Variants in KDM2A observed in about 807,000 individuals in gnomAD.
KDM2A encodes lysine demethylase 2A.
A neutral mutation model predicts 137.3 loss-of-function variants in KDM2A; 3 were observed. That is an observed-to-expected ratio of 0.02 (90% CI 0.01 to 0.06). The LOEUF is 0.06. Among genes scored for constraint, KDM2A ranks in the 10% least tolerant of loss-of-function variants. The probability of loss-of-function intolerance (pLI) is 1.00; values close to 1 mark genes in which losing one functional copy is unlikely to be tolerated. For missense variants in KDM2A, 738 were observed against 1,510.6 expected (o/e 0.49, Z 8.48); for synonymous variants, 512 against 541.5 (o/e 0.95, Z 0.76).
chr11:67,148,907 G>C (rs1434338481), intron 2 of KDM2A: 1 of 152,170 alleles, frequency 6.6e-6, no homozygotes, highest in African/African-American at 2.4e-5. Context: ...AAGAGCTGGG[G>C]TAGGGGCTGG....
intron 2 of KDM2A, among the ~76,000 whole-genome samples, chr11:67,138,452 C>CT (rs1055381699): frequency 6.6e-6 from 1 of 152,168 alleles, no homozygotes; most frequent in Admixed American, 6.6e-5. Context: ...TCAAAGTGTG[C>CT]TCCCCAGACC....
In KDM2A at chr11:67,231,758, C is replaced by T. The variant is rs764607220; in HGVS notation, c.1277C>T (p.Ser426Phe). 1 of 1,614,038 alleles carries T rather than the reference C, an allele frequency of 6.2e-7. No homozygotes were observed. The highest frequency in any genetic ancestry group is 1.1e-5 in the South Asian group (1 of 91,090). Residue 426 changes from serine to phenylalanine, a missense_variant, in exon 12 of 21, where the codon TCT becomes TTT. Physicochemically the swap from Ser to Phe is radical, Grantham distance 155 (BLOSUM62 -2). This residue lies in a region of KDM2A where 113 missense variants were observed against 133.5 expected (regional missense o/e 0.85). Transcript: ENST00000529006. ...AAGAAAACTTTGGCTGGGGACTCAT[C>T]TTCTGACTGTAGCCGGGGCTCCCAC... ...SLKKTLAGDS[S>F]SDCSRGSHNG...
chr11:67,248,426 G>GCAATCCCCCACATTT, intron 16 of KDM2A, 56 bp downstream of exon 16: 2 of 1,215,080 alleles, frequency 1.6e-6, no homozygotes, highest in Non-Finnish European at 2.4e-6. Context: ...CAAATGTGGG[G>GCAATCCCCCACATTT]GATTGCTACA....
intron 2 of KDM2A, among the ~76,000 whole-genome samples, chr11:67,154,828 G>T (rs1288540979): frequency 6.6e-6 from 1 of 152,114 alleles, no homozygotes; most frequent in Non-Finnish European, 1.5e-5. Flanking sequence ...GTTCATCTGT[G>T]TTTTGGCATG....
intron 5 of KDM2A, among the ~76,000 whole-genome samples, chr11:67,187,098 T>C (rs1590760544): frequency 1.3e-5 from 2 of 152,142 alleles, no homozygotes; most frequent in African/African-American, 4.8e-5. Flanking sequence ...AGAATTTAAC[T>C]TCAGGATATT....
chr11:67,145,579 A>G (rs1856224889), intron 2 of KDM2A, among the ~76,000 whole-genome samples: 1 of 151,972 alleles, frequency 6.6e-6, no homozygotes. Flanking sequence ...ATAAAGGCTC[A>G]TAGAGGCAAA....
intron 2 of KDM2A, among the ~76,000 whole-genome samples, chr11:67,146,180 A>G (rs1856242935): frequency 6.6e-6 from 1 of 151,668 alleles, no homozygotes; most frequent in African/African-American, 2.4e-5. Flanking sequence ...TTTTTAGTAG[A>G]GACAGGGTTT....
chr11:67,237,993 C>T (rs1233273234), intron 12 of KDM2A, among the ~76,000 whole-genome samples: 1 of 151,748 alleles, frequency 6.6e-6, no homozygotes, highest in Non-Finnish European at 1.5e-5. Flanking sequence ...GCAATATTTA[C>T]TAACAAGATA....
intron 12 of KDM2A, among the ~76,000 whole-genome samples, chr11:67,238,844 G>A (rs1858943789): frequency 6.6e-6 from 1 of 152,224 alleles, no homozygotes; most frequent in African/African-American, 2.4e-5. Flanking sequence ...TTTCTGCTAA[G>A]TATTTGATTC....
intron 16 of KDM2A, among the ~76,000 whole-genome samples, chr11:67,249,205 T>TA (rs1194148427): frequency 2.6e-5 from 4 of 152,246 alleles, no homozygotes; most frequent in African/African-American, 4.8e-5. Context: ...GTTCTTGCAC[T>TA]AGTGACCTTT....
At chr11:67,214,885 G>A (rs970903783) in intron 6 of KDM2A, among the ~76,000 whole-genome samples, 2 of 152,134 alleles carry the variant, frequency 1.3e-5, no homozygotes, top group African/African-American at 4.8e-5. Context: ...GTCAATGCAA[G>A]GCTATAAATC....
intron 10 of KDM2A, among the ~76,000 whole-genome samples, chr11:67,225,893 C>T (rs893415317): frequency 2.0e-5 from 3 of 151,876 alleles, no homozygotes; most frequent in Non-Finnish European, 4.4e-5. Context: ...GGTGAAACCC[C>T]GTCTCTACTA....
rs1305529799 is a variant in KDM2A, at chr11:67,250,418, A to C, written c.2388A>C (p.Gly796=). Residue 796 remains glycine, a synonymous_variant, in exon 17 of 21, where the codon GGA becomes GGC. Coordinates refer to ENST00000529006, the MANE Select transcript of KDM2A (RefSeq NM_012308.3). The surrounding 1 kb of genome is among the most constrained non-coding windows in gnomAD (Gnocchi z 7.1). ...AAGTTGAGAAAGCCAAGATCCGGGG[A>C]TCGTACCTCACTGTCACGCTACAGA... is the stretch of plus-strand genomic sequence containing the variant. ...LSEVEKAKIR[G]SYLTVTLQRP... is the part of the protein sequence containing the mutation. 2 of 1,614,018 alleles carry C rather than the reference A, an allele frequency of 1.2e-6. No individual in the cohort carries two copies. The highest frequency in any genetic ancestry group is 1.7e-6 in the Non-Finnish European group (2 of 1,179,884).
intron 2 of KDM2A, among the ~76,000 whole-genome samples, chr11:67,168,493 A>T (rs1856796867): frequency 1.3e-5 from 2 of 151,178 alleles, no homozygotes; most frequent in African/African-American, 4.9e-5. Context: ...TTTTGTATAC[A>T]GAGTGTCTGG....
chr11:67,241,054 AC>A (rs1200242913), intron 12 of KDM2A, among the ~76,000 whole-genome samples: 1 of 152,152 alleles, frequency 6.6e-6, no homozygotes, highest in African/African-American at 2.4e-5. Context: ...CGCAGATCTT[AC>A]TGTGCAGTCT....
At chr11:67,181,917 G>C (rs1857099742) in intron 5 of KDM2A, 25 bp downstream of exon 5, 1 of 1,606,678 alleles carries the variant, frequency 6.2e-7, no homozygotes, top group Non-Finnish European at 8.5e-7. Context: ...TTTGGCCTCT[G>C]TCTTTAAGGC....
chr11:67,173,215 C>T (rs1298915245), intron 2 of KDM2A, among the ~76,000 whole-genome samples: 3 of 152,168 alleles, frequency 2.0e-5, no homozygotes, highest in Non-Finnish European at 4.4e-5. Context: ...CTCTGCCTCG[C>T]GGGTTCAAGC....
intron 2 of KDM2A, among the ~76,000 whole-genome samples, chr11:67,179,499 C>G (rs12365685): frequency 6.6e-6 from 1 of 152,150 alleles, no homozygotes; most frequent in African/African-American, 2.4e-5. Flanking sequence ...TCTCTAATCT[C>G]GAACTCCCGA....
At chr11:67,158,466 T>G (rs1253187878) in intron 2 of KDM2A, among the ~76,000 whole-genome samples, 1 of 152,214 alleles carries the variant, frequency 6.6e-6, no homozygotes, top group Non-Finnish European at 1.5e-5. Context: ...TGTTTAGTTT[T>G]GTAAGAAGCT....
Sources: allele counts gnomAD v4.1 joint callset (sites outside exome capture counted in the v4.1 genomes callset), GRCh38; gene constraint gnomAD v4.1.1; regional missense constraint gnomAD v4.1.1; non-coding constraint Gnocchi (gnomAD v3.1); transcripts MANE v1.5; gene names NCBI Gene and HGNC (gene_info 2026-07-23, HGNC 2026-07-21).